The following STXBP5L variants were observed in gnomAD, a reference collection of about 807,000 sequenced individuals.
STXBP5L encodes the protein syntaxin binding protein 5L.
Under a neutral mutation model 144.5 loss-of-function variants are expected in STXBP5L, and 65 were observed. That is an observed-to-expected ratio of 0.45 (90% CI 0.37 to 0.55). The LOEUF (loss-of-function observed/expected upper bound fraction) is 0.55, where lower values mean the gene tolerates loss of function less well. Among genes scored for constraint, STXBP5L ranks in the 20% least tolerant of loss-of-function variants. The probability of loss-of-function intolerance (pLI) is 0.00; values close to 1 mark genes in which losing one functional copy is unlikely to be tolerated. For synonymous variants in STXBP5L, 505 were observed against 469.6 expected (o/e 1.08, Z -0.97); for missense variants, 1,298 against 1,405.5 (o/e 0.92, Z 1.22).
chr3:121,335,706 G>A, intron 20 of STXBP5L, among the ~76,000 whole-genome samples: 1 of 151,986 alleles, frequency 6.6e-6, no homozygotes, highest in East Asian at 1.9e-4. Flanking sequence ...TGGCATAACT[G>A]GCTAGCTAAA....
intron 5 of STXBP5L, among the ~76,000 whole-genome samples, chr3:121,108,314 G>C (rs1219469153): frequency 6.6e-6 from 1 of 152,134 alleles, no homozygotes; most frequent in Non-Finnish European, 1.5e-5. Flanking sequence ...AATGCTTCCA[G>C]CTTTTGCTCA....
chr3:120,994,068 T>C (rs1186331326), intron 3 of STXBP5L, among the ~76,000 whole-genome samples: 1 of 152,054 alleles, frequency 6.6e-6, no homozygotes, highest in Non-Finnish European at 1.5e-5. Context: ...ACGGGATTGC[T>C]GTCTCAATTT....
At chr3:121,122,725 A>G (rs1166686809) in intron 7 of STXBP5L, among the ~76,000 whole-genome samples, 1 of 151,520 alleles carries the variant, frequency 6.6e-6, no homozygotes, top group Non-Finnish European at 1.5e-5. Context: ...AATAAACATT[A>G]AAATTACAAC....
chr3:121,233,774 C>T, intron 12 of STXBP5L, 86 bp downstream of exon 12: 1 of 1,028,654 alleles, frequency 9.7e-7, no homozygotes, highest in Admixed American at 2.6e-5. Flanking sequence ...AGGAAGTATT[C>T]TTTGTGTGAA....
chr3:121,407,167 C>A, intron 22 of STXBP5L, 76 bp from the exon 23 acceptor site: 2 of 1,487,100 alleles, frequency 1.3e-6, no homozygotes, highest in Non-Finnish European at 1.8e-6. Context: ...TAAATTATCA[C>A]AATGTAAAAC....
intron 9 of STXBP5L, among the ~76,000 whole-genome samples, chr3:121,193,703 C>G (rs1236599261): frequency 6.6e-6 from 1 of 152,122 alleles, no homozygotes. Flanking sequence ...AACCATCATT[C>G]TCAGCAAACT....
intron 10 of STXBP5L, among the ~76,000 whole-genome samples, chr3:121,221,895 T>TTATATAGC (rs2048984547): frequency 6.6e-6 from 1 of 151,836 alleles, no homozygotes; most frequent in African/African-American, 2.4e-5. Flanking sequence ...CCCTTTTTGG[T>TTATATAGC]TATATAGCCA....
At chr3:120,976,345 G>A (rs1376052988) in intron 3 of STXBP5L, among the ~76,000 whole-genome samples, 2 of 152,164 alleles carry the variant, frequency 1.3e-5, no homozygotes, top group Admixed American at 1.3e-4. Context: ...GGTGTTTGTA[G>A]TATTCTCTGA....
At chr3:120,967,707 T>G (rs1939769973) in intron 3 of STXBP5L, among the ~76,000 whole-genome samples, 1 of 152,160 alleles carries the variant, frequency 6.6e-6, no homozygotes. Flanking sequence ...TTTGAAGTCT[T>G]TCTAATTTTT....
intron 9 of STXBP5L, among the ~76,000 whole-genome samples, chr3:121,200,020 C>T (rs534331907): frequency 5.8e-4 from 89 of 152,164 alleles, no homozygotes; most frequent in African/African-American, 2.0e-3. Context: ...GGAGGAGTGC[C>T]TCTTTTTCTT....
At position 120,990,008 on chromosome 3, in the gene STXBP5L, A is replaced by C. The variant is rs1004161605; in HGVS notation, c.287+34971A>C. 2.6e-5 allele frequency among the ~76,000 whole-genome samples: 4 copies of C among 152,258 alleles called. No individual in the cohort carries two copies. In the East Asian group the frequency reaches 5.8e-4, roughly 22 times the overall value. ...AAGGGTATTCAATTAGGAAACGAGG[A>C]AGTCAAATTGTCCCTGTTTGCAGAC... On this transcript the variant is annotated intron_variant, in intron 3 of 26. Coordinates refer to ENST00000471454, the MANE Select transcript of STXBP5L (RefSeq NM_001308330.2).
At chr3:121,297,567 A>C (rs1034396296) in intron 19 of STXBP5L, among the ~76,000 whole-genome samples, 4 of 152,182 alleles carry the variant, frequency 2.6e-5, no homozygotes, top group Non-Finnish European at 5.9e-5. Flanking sequence ...TAGCCTGGAC[A>C]ACATGGTGAA....
intron 19 of STXBP5L, among the ~76,000 whole-genome samples, chr3:121,291,672 C>T (rs1043676717): frequency 1.1e-4 from 17 of 152,082 alleles, no homozygotes; most frequent in Admixed American, 5.2e-4. Context: ...ACAAGGCTAT[C>T]GTTACCAAAA....
chr3:121,004,828 G>C (rs1005315081), intron 3 of STXBP5L, among the ~76,000 whole-genome samples: 3 of 152,112 alleles, frequency 2.0e-5, no homozygotes, highest in Non-Finnish European at 4.4e-5. Flanking sequence ...TTTGTCATTG[G>C]TTTTATTTAT....
intron 9 of STXBP5L, among the ~76,000 whole-genome samples, chr3:121,204,640 T>C (rs1223291372): frequency 6.6e-6 from 1 of 151,736 alleles, no homozygotes; most frequent in Admixed American, 6.5e-5. Flanking sequence ...ATTACATAGG[T>C]ATCTATGTAA....
intron 22 of STXBP5L, among the ~76,000 whole-genome samples, chr3:121,404,028 A>G (rs997830868): frequency 6.6e-6 from 1 of 152,126 alleles, no homozygotes; most frequent in Non-Finnish European, 1.5e-5. Context: ...ATACATTTAT[A>G]TTTATAGTCT....
intron 3 of STXBP5L, among the ~76,000 whole-genome samples, chr3:120,995,761 G>T (rs1046080694): frequency 6.6e-6 from 1 of 151,956 alleles, no homozygotes; most frequent in Non-Finnish European, 1.5e-5. Flanking sequence ...TGTTATAACT[G>T]TGGATTCAAC....
chr3:120,937,135 G>C (rs967093693), intron 2 of STXBP5L, among the ~76,000 whole-genome samples: 10 of 152,156 alleles, frequency 6.6e-5, no homozygotes, highest in Non-Finnish European at 1.2e-4. Flanking sequence ...TAGGCTGTGT[G>C]TAAAACCTCA....
chr3:121,014,186 AATAG>A (rs762642286), intron 3 of STXBP5L, among the ~76,000 whole-genome samples: 14 of 152,050 alleles, frequency 9.2e-5, no homozygotes, highest in East Asian at 3.9e-4. Context: ...CATGTTGGTA[AATAG>A]ATAGGAATAG....
Sources: gnomAD v4.1 joint callset for allele counts (sites outside exome capture counted in the v4.1 genomes callset) on GRCh38, gnomAD v4.1.1 for gene constraint, MANE v1.5 for transcripts, NCBI Gene and HGNC (gene_info 2026-07-23, HGNC 2026-07-21) for gene names.